MARK2: variants seen among roughly 807,000 people sequenced by gnomAD.
MARK2 encodes the protein microtubule affinity regulating kinase 2.
In MARK2, 16 loss-of-function variants were observed where a neutral mutation model predicts 89.8. That is an observed-to-expected ratio of 0.18 (90% CI 0.12 to 0.27). The LOEUF (loss-of-function observed/expected upper bound fraction) is 0.27. Ranked by LOEUF, MARK2 falls within the 10% of genes least tolerant of loss-of-function variation. The pLI is 1.00. For synonymous variants in MARK2, 382 were observed against 399.5 expected (o/e 0.96, Z 0.52); for missense variants, 621 against 1,049.9 (o/e 0.59, Z 5.65).
At chr11:63,876,887 T>C (rs546861050) in intron 1 of MARK2, among the ~76,000 whole-genome samples, 1 of 152,226 alleles carries the variant, frequency 6.6e-6, no homozygotes, top group African/African-American at 2.4e-5. Flanking sequence ...GTGGTTCTGG[T>C]TCCTGAGGGC....
intron 1 of MARK2, among the ~76,000 whole-genome samples, chr11:63,852,417 G>A (rs1187169074): frequency 6.6e-6 from 1 of 152,026 alleles, no homozygotes; most frequent in African/African-American, 2.4e-5. Context: ...AAACTTGCTT[G>A]TAAAAACTTT....
intron 1 of MARK2, among the ~76,000 whole-genome samples, chr11:63,872,955 G>C (rs1488416758): frequency 7.8e-6 from 1 of 128,672 alleles, no homozygotes; most frequent in Non-Finnish European, 1.5e-5. Context: ...GCGGGACTCA[G>C]TCCACCTCCC....
chr11:63,893,767 C>A (rs909427550), intron 1 of MARK2, among the ~76,000 whole-genome samples: 1 of 152,066 alleles, frequency 6.6e-6, no homozygotes, highest in African/African-American at 2.4e-5. Flanking sequence ...TACACGTAAC[C>A]CCATATGACA....
chr11:63,899,186 A>G, intron 7 of MARK2, 78 bp downstream of exon 7: 4 of 877,084 alleles, frequency 4.6e-6, no homozygotes, highest in Non-Finnish European at 7.7e-6. Context: ...TAAAACCATC[A>G]ATAACCATCA....
At chr11:63,905,194 T>A in intron 16 of MARK2, 151 bp downstream of exon 16, 2 of 908,456 alleles carry the variant, frequency 2.2e-6, no homozygotes, top group Non-Finnish European at 3.3e-6. Context: ...CACAAGAAAT[T>A]AGGTCTTTGT....
chr11:63,909,266 G>T lies in MARK2; in HGVS notation c.*29G>T. ...GCTGCCAGGAGCGGGGGCGGCGGGG[G>T]CGGGCCAGCTGGACGGGCTGCCGGC... On this transcript the variant is annotated 3_prime_UTR_variant, in exon 19 of 19. Coordinates refer to ENST00000402010, the MANE Select transcript of MARK2 (RefSeq NM_001039469.3). 1 of 1,550,116 alleles carries T rather than the reference G, an allele frequency of 6.5e-7. No homozygotes were observed. The highest frequency in any genetic ancestry group is 2.3e-5 in the East Asian group (1 of 43,570).
At chr11:63,860,664 C>T (rs928515970) in intron 1 of MARK2, among the ~76,000 whole-genome samples, 5 of 151,936 alleles carry the variant, frequency 3.3e-5, no homozygotes, top group African/African-American at 9.7e-5. Context: ...CGAGACCAGC[C>T]TGGCCAATAT....
In MARK2 at chr11:63,848,077, C is replaced by A. The variant is rs1349673160; in HGVS notation, c.54+8517C>A. ...TGTAGGAAAGGTGGGAGCTTCCGGT[C>A]ACCATGTGTGCTGACACTTCCTGCA... On this transcript the variant is annotated intron_variant, in intron 1 of 18. Transcript: ENST00000402010. Among the ~76,000 whole-genome samples, 3 of 152,344 alleles carry A rather than the reference C, an allele frequency of 2.0e-5. No homozygotes were observed. In the East Asian group the frequency reaches 5.8e-4, roughly 29 times the overall value.
chr11:63,865,776 G>T (rs753306298), intron 1 of MARK2, among the ~76,000 whole-genome samples: 19 of 152,176 alleles, frequency 1.2e-4, no homozygotes. Context: ...TGGTTTTGTT[G>T]TGCTTTTTCA....
intron 1 of MARK2, among the ~76,000 whole-genome samples, chr11:63,876,334 A>AT (rs1336976575): frequency 6.6e-6 from 1 of 152,240 alleles, no homozygotes; most frequent in Non-Finnish European, 1.5e-5. Context: ...AGTTCAAGTT[A>AT]TATTTTCTGG....
At chr11:63,893,270 C>T (rs953257303) in intron 1 of MARK2, among the ~76,000 whole-genome samples, 1 of 93,554 alleles carries the variant, frequency 1.1e-5, no homozygotes, top group Non-Finnish European at 2.1e-5. Context: ...CCTCCTGCCT[C>T]AGCCTCCTAA....
chr11:63,878,949 C>T (rs890301011), intron 1 of MARK2, among the ~76,000 whole-genome samples: 4 of 152,144 alleles, frequency 2.6e-5, no homozygotes, highest in African/African-American at 9.7e-5. Flanking sequence ...CTTTTGGTAA[C>T]TTGGGGATTT....
At chr11:63,861,856 C>G (rs1227064096) in intron 1 of MARK2, among the ~76,000 whole-genome samples, 1 of 151,394 alleles carries the variant, frequency 6.6e-6, no homozygotes, top group African/African-American at 2.4e-5. Context: ...ATTCTCCTGC[C>G]TCAGCCTCCC....
At chr11:63,858,462 T>C (rs1385383379) in intron 1 of MARK2, among the ~76,000 whole-genome samples, 1 of 152,168 alleles carries the variant, frequency 6.6e-6, no homozygotes, top group Non-Finnish European at 1.5e-5. Flanking sequence ...CAAGTGATTC[T>C]CCTGCCTCAG....
In MARK2 at chr11:63,875,449, A is replaced by G. The variant is rs142785689; in HGVS notation, c.55-19710A>G. On this transcript the variant is annotated intron_variant, in intron 1 of 18. Transcript: ENST00000402010. The stretch of plus-strand genomic sequence containing the variant: ...TTTCTTTGTTGAGATGGGGAATCTC[A>G]TTATGTGGCCTAGGCTGGTCTCGAA... Among the ~76,000 whole-genome samples, 1,347 of 152,046 alleles carry G rather than the reference A, an allele frequency of 8.9e-3. 25 individuals are homozygous for G. The highest frequency in any genetic ancestry group is 0.029 in the African/African-American group (1,213 of 41,436).
In MARK2 at chr11:63,896,751, G is replaced by C. The variant is rs530108175; in HGVS notation, c.288+1118G>C. Among the ~76,000 whole-genome samples the C allele has an allele frequency of 5.9e-5, 9 of 152,214 alleles. No homozygotes were observed. The East Asian group carries it at 1.6e-3, about 26-fold the overall frequency. On this transcript the variant is annotated intron_variant, in intron 3 of 18. Transcript: ENST00000402010. ...TTGTTGTCATCATCAGGGTGTCTCT[G>C]CTTGAAGCTTTCCAGGAGGAAGGGA...
intron 1 of MARK2, among the ~76,000 whole-genome samples, chr11:63,870,726 C>T (rs1362557524): frequency 6.6e-6 from 1 of 152,204 alleles, no homozygotes; most frequent in Non-Finnish European, 1.5e-5. Context: ...GGGAAATGTC[C>T]GGAGAGACCC....
intron 1 of MARK2, among the ~76,000 whole-genome samples, chr11:63,869,918 A>G (rs1938352925): frequency 6.6e-6 from 1 of 150,752 alleles, no homozygotes; most frequent in African/African-American, 2.5e-5. Context: ...CCATACAGGA[A>G]GACACTCAGG....
At position 63,861,008 on chromosome 11, in the gene MARK2, C is replaced by T. The variant is rs147258052; in HGVS notation, c.54+21448C>T. 1.2e-3 allele frequency among the ~76,000 whole-genome samples: 189 copies of T among 152,316 alleles called. 1 individual carries two copies. The highest frequency in any genetic ancestry group is 4.4e-3 in the African/African-American group (184 of 41,578). On this transcript the variant is annotated intron_variant, in intron 1 of 18. Transcript: ENST00000402010. The stretch of plus-strand genomic sequence containing the variant: ...CATAGCTCCATTTCCCATCACTCAG[C>T]AAGTCCCATAATCTGCTTTTTCCAC...
Sources: allele counts gnomAD v4.1 joint callset (sites outside exome capture counted in the v4.1 genomes callset), GRCh38; gene constraint gnomAD v4.1.1; transcripts MANE v1.5; gene names NCBI Gene and HGNC (gene_info 2026-07-23, HGNC 2026-07-21).